Variants in GSE1 observed in about 807,000 individuals in gnomAD.
GSE1 encodes genetic suppressor element 1.
In GSE1, 32 loss-of-function variants were observed where a neutral mutation model predicts 112.6. The observed-to-expected ratio is 0.28, with a 90% CI of 0.21 to 0.38. The LOEUF (loss-of-function observed/expected upper bound fraction) is 0.38. Among genes scored for constraint, GSE1 ranks in the 10% least tolerant of loss-of-function variants. The pLI, the probability that GSE1 is intolerant of heterozygous loss-of-function variation, is 1.00. For synonymous variants in GSE1, 1,115 were observed against 735.6 expected (o/e 1.52, Z -8.35); for missense variants, 2,348 against 1,699.2 (o/e 1.38, Z -6.71).
At chr16:85,626,437 G>A (rs79618111) in intron 1 of GSE1, among the ~76,000 whole-genome samples, 5,404 of 151,984 alleles carry the variant, frequency 0.036, 209 homozygotes, top group African/African-American at 0.1. Flanking sequence ...TCGCGGGGGC[G>A]GGCACCAGTC....
At chr16:85,600,625 C>G (rs1192407041) in intron 1 of GSE1, among the ~76,000 whole-genome samples, 1 of 151,900 alleles carries the variant, frequency 6.6e-6, no homozygotes, top group Admixed American at 6.6e-5. Context: ...AAAAACCCAG[C>G]ATTTGTTTTC....
At chr16:85,385,348 A>G (rs1202168782) in intron 2 of GSE1, among the ~76,000 whole-genome samples, 1 of 152,210 alleles carries the variant, frequency 6.6e-6, no homozygotes, top group Non-Finnish European at 1.5e-5. Context: ...GTGTGAGGCC[A>G]GGGCTCCCAG....
chr16:85,372,486 C>CAA (rs3030350), intron 2 of GSE1, among the ~76,000 whole-genome samples: 184 of 87,370 alleles, frequency 2.1e-3, no homozygotes, highest in African/African-American at 3.0e-3. Flanking sequence ...CTCTGTCTCA[C>CAA]AAAAAAAAAA....
At chr16:85,426,103 GAGGAAGGAAGGA>G (rs56068516) in intron 2 of GSE1, among the ~76,000 whole-genome samples, 1 of 145,728 alleles carries the variant, frequency 6.9e-6, no homozygotes, top group Non-Finnish European at 1.5e-5. Flanking sequence ...GAGAGGGAGG[GAGGAAGGAAGGA>G]AGGAAGGAAG....
At chr16:85,283,213 C>G (rs2044907680) in intron 1 of GSE1, 1 of 152,890 alleles carries the variant, frequency 6.5e-6, no homozygotes, top group Non-Finnish European at 1.5e-5. Context: ...TTGGGCCCGG[C>G]CACACAGGTT....
At chr16:85,440,557 C>T (rs1014195534) in intron 2 of GSE1, among the ~76,000 whole-genome samples, 3 of 152,206 alleles carry the variant, frequency 2.0e-5, no homozygotes, top group Non-Finnish European at 2.9e-5. Context: ...GATCTTCAGC[C>T]GACACTGGGA....
In GSE1 at chr16:85,291,011, C is replaced by T. The variant is rs190640949; in HGVS notation, c.2284-66452C>T. Among the ~76,000 whole-genome samples the T allele has an allele frequency of 2.0e-5, 3 of 152,358 alleles. No individual in the cohort carries two copies. The East Asian group carries it at 5.8e-4, about 29-fold the overall frequency. On this transcript the variant is annotated intron_variant, in intron 1 of 2. Transcript: ENST00000637419. Reference sequence around the variant, plus strand: ...ACAGACATGGGAGGGGGCTGCAGGCCTGGAATAATCACGAGAACAGCAAAG... The same window carrying T: ...ACAGACATGGGAGGGGGCTGCAGGCTTGGAATAATCACGAGAACAGCAAAG...
chr16:85,319,237 A>G (rs532953849), intron 1 of GSE1, among the ~76,000 whole-genome samples: 6 of 152,342 alleles, frequency 3.9e-5, no homozygotes, highest in South Asian at 2.1e-4. Flanking sequence ...GAAATTTGTG[A>G]AGAAAATTCT....
chr16:85,240,872 C>T lies in GSE1; in HGVS notation c.2283+69065C>T, dbSNP rs556144641. On this transcript the variant is annotated intron_variant, in intron 1 of 2. Coordinates refer to the GSE1 transcript ENST00000637419. Reference sequence around the variant, plus strand: ...ACAGTCGGGGAGCAGAGAGGCTGGACGCAGGACCCAGGGAAGCAGAAACAC... The same window carrying T: ...ACAGTCGGGGAGCAGAGAGGCTGGATGCAGGACCCAGGGAAGCAGAAACAC... Among the ~76,000 whole-genome samples, 109 of 152,210 alleles carry T rather than the reference C, an allele frequency of 7.2e-4. 1 individual carries two copies. The South Asian group carries it at 0.02, about 28-fold the overall frequency.
chr16:85,464,784 G>T (rs1157520643), intron 2 of GSE1, among the ~76,000 whole-genome samples: 3 of 152,218 alleles, frequency 2.0e-5, no homozygotes, highest in Non-Finnish European at 4.4e-5. Context: ...GTTTCCAAAG[G>T]CCAGCTAGTG....
At chr16:85,584,853 C>G (rs540147191) in intron 1 of GSE1, among the ~76,000 whole-genome samples, 2 of 151,948 alleles carry the variant, frequency 1.3e-5, no homozygotes, top group Non-Finnish European at 2.9e-5. Flanking sequence ...AAACGCGTGC[C>G]AAGGTGGAGG....
intron 2 of GSE1, among the ~76,000 whole-genome samples, chr16:85,487,309 C>G (rs2050873581): frequency 6.6e-6 from 1 of 152,190 alleles, no homozygotes; most frequent in African/African-American, 2.4e-5. Context: ...ACGTGGCGAG[C>G]TACGTCCCGT....
At chr16:85,172,765 C>A (rs1016356004) in intron 1 of GSE1, among the ~76,000 whole-genome samples, 1 of 152,204 alleles carries the variant, frequency 6.6e-6, no homozygotes, top group Non-Finnish European at 1.5e-5. Context: ...GTGGCGCTGT[C>A]GTGTTCAGAA....
At chr16:85,512,120 G>A (rs1409925684) in intron 2 of GSE1, among the ~76,000 whole-genome samples, 1 of 152,204 alleles carries the variant, frequency 6.6e-6, no homozygotes, top group Admixed American at 6.5e-5. Flanking sequence ...AAGGAGCACT[G>A]TTCTGCGAGT....
chr16:85,455,818 C>G (rs1567501177), intron 2 of GSE1, among the ~76,000 whole-genome samples: 2 of 152,360 alleles, frequency 1.3e-5, no homozygotes, highest in South Asian at 4.1e-4. Context: ...GCGTCACGCT[C>G]TCTCTCCACT....
At chr16:85,671,577 G>A (rs1032604865) in intron 15 of GSE1, among the ~76,000 whole-genome samples, 29 of 152,176 alleles carry the variant, frequency 1.9e-4, no homozygotes, top group African/African-American at 6.5e-4. Context: ...CCACACCAGT[G>A]CACTCCAGCC....
At chr16:85,433,778 T>C (rs747710912) in intron 2 of GSE1, among the ~76,000 whole-genome samples, 1 of 151,890 alleles carries the variant, frequency 6.6e-6, no homozygotes, top group African/African-American at 2.4e-5. Flanking sequence ...GCTGGATAGA[T>C]GGATGTTGGA....
intron 1 of GSE1, among the ~76,000 whole-genome samples, chr16:85,178,039 AT>A (rs2074503718): frequency 1.3e-5 from 2 of 152,290 alleles, no homozygotes; most frequent in South Asian, 2.1e-4. Flanking sequence ...CTGCTATGAC[AT>A]CAGGCATCCC....
chr16:85,459,794 C>G (rs1411291620), intron 2 of GSE1, among the ~76,000 whole-genome samples: 4 of 152,216 alleles, frequency 2.6e-5, no homozygotes, highest in South Asian at 2.1e-4. Context: ...GGCTTTCTCT[C>G]TTTGGTCTTG....
Sources: allele counts gnomAD v4.1 joint callset (sites outside exome capture counted in the v4.1 genomes callset), GRCh38; gene constraint gnomAD v4.1.1; transcripts MANE v1.5; gene names NCBI Gene and HGNC (gene_info 2026-07-23, HGNC 2026-07-21).